MAP3K20: variants seen among roughly 807,000 people sequenced by gnomAD.
MAP3K20 encodes the protein HCCS-4.
A neutral mutation model predicts 85.7 loss-of-function variants in MAP3K20; 40 were observed. That is an observed-to-expected ratio of 0.47 (90% CI 0.36 to 0.61). MAP3K20 has a LOEUF of 0.61. MAP3K20 is among the 20% of genes least tolerant of loss of function. The pLI, the probability that MAP3K20 is intolerant of heterozygous loss-of-function variation, is 0.00. For missense variants in MAP3K20, 817 were observed against 961.7 expected (o/e 0.85, Z 1.99); for synonymous variants, 325 against 327.7 (o/e 0.99, Z 0.09).
At chr2:173,213,474 A>G (rs1390996762) in intron 10 of MAP3K20, among the ~76,000 whole-genome samples, 1 of 152,242 alleles carries the variant, frequency 6.6e-6, no homozygotes, top group East Asian at 1.9e-4. Context: ...GGACTGTAAT[A>G]GTAATTTTAA....
chr2:173,187,678 C>T, intron 5 of MAP3K20, 55 bp downstream of exon 5: 1 of 1,438,154 alleles, frequency 7.0e-7, no homozygotes, highest in Non-Finnish European at 9.6e-7. Flanking sequence ...CATACACTTG[C>T]ATGTAGAAAT....
chr2:173,244,644 A>T (rs1684873223), intron 16 of MAP3K20, among the ~76,000 whole-genome samples: 1 of 152,202 alleles, frequency 6.6e-6, no homozygotes, highest in Non-Finnish European at 1.5e-5. Flanking sequence ...AGCCATCTGT[A>T]AACCTATATA....
chr2:173,206,104 A>T (rs554233915), intron 9 of MAP3K20, among the ~76,000 whole-genome samples: 41 of 152,306 alleles, frequency 2.7e-4, no homozygotes, highest in Non-Finnish European at 5.3e-4. Flanking sequence ...TTTTGCCTGA[A>T]ATTATTTGCA....
chr2:173,162,400 G>A (rs1689685033), intron 2 of MAP3K20, among the ~76,000 whole-genome samples: 1 of 151,734 alleles, frequency 6.6e-6, no homozygotes, highest in Non-Finnish European at 1.5e-5. Flanking sequence ...AATTGTTGAG[G>A]ACCGGCTGGG....
chr2:173,217,365 C>T (rs1440447313), intron 11 of MAP3K20, 115 bp downstream of exon 11: 1 of 1,286,454 alleles, frequency 7.8e-7, no homozygotes, highest in East Asian at 2.8e-5. Flanking sequence ...CATTTCCTGC[C>T]TCGCGCCCGT....
chr2:173,096,060 G>A lies in MAP3K20; in HGVS notation c.159+4870G>A, dbSNP rs1239848806. ...ATTAATATAAATACTTGCGTTATAA[G>A]ATGTGTATGCAGCTATCTACCCTTC... On this transcript the variant is annotated intron_variant, in intron 2 of 19. Transcript: ENST00000375213. 2.0e-5 allele frequency among the ~76,000 whole-genome samples: 3 copies of A among 152,228 alleles called. No homozygotes were observed. In the East Asian group the frequency reaches 5.8e-4, roughly 29 times the overall value.
At chr2:173,076,565 C>T (rs1396375700) in intron 1 of MAP3K20, among the ~76,000 whole-genome samples, 1 of 152,264 alleles carries the variant, frequency 6.6e-6, no homozygotes, top group African/African-American at 2.4e-5. Context: ...CATCCATTTT[C>T]CTTCATTCTG....
At chr2:173,244,066 C>T (rs983509470) in intron 16 of MAP3K20, among the ~76,000 whole-genome samples, 3 of 152,162 alleles carry the variant, frequency 2.0e-5, no homozygotes, top group Non-Finnish European at 4.4e-5. Flanking sequence ...GAGCCTGTGA[C>T]AGTGCCATGG....
At chr2:173,116,413 T>G (rs1688126211) in intron 2 of MAP3K20, among the ~76,000 whole-genome samples, 1 of 152,196 alleles carries the variant, frequency 6.6e-6, no homozygotes, top group Admixed American at 6.5e-5. Flanking sequence ...TTGGCCAGCA[T>G]CTCCCTGCAT....
chr2:173,263,399 G>C (rs1227853559), intron 18 of MAP3K20, among the ~76,000 whole-genome samples: 1 of 152,136 alleles, frequency 6.6e-6, no homozygotes, highest in African/African-American at 2.4e-5. Flanking sequence ...ATTAAACAAA[G>C]AGGTAAGTTG....
intron 16 of MAP3K20, among the ~76,000 whole-genome samples, chr2:173,243,943 C>G (rs184743588): frequency 6.6e-6 from 1 of 152,148 alleles, no homozygotes; most frequent in African/African-American, 2.4e-5. Context: ...ACGTTTTTAA[C>G]AGATCTTTCA....
Position 173,266,790 on chromosome 2 carries a change from A to AAC in MAP3K20, c.*41_*42insCA. The AAC allele has an allele frequency of 1.5e-6, 2 of 1,366,224 alleles. No individual in the cohort carries two copies. The highest frequency in any genetic ancestry group is 1.9e-6 in the Non-Finnish European group (2 of 1,043,266). 84.6% of individuals were successfully genotyped at this position (1,366,224 alleles called of 1,614,324 possible). ...TAGCTTTTCTAAGCAGGTTAAAAAA[A>AAC]AAAAAAAAAAGAAATGTAATGGTTT... On this transcript the variant is annotated 3_prime_UTR_variant, in exon 20 of 20. Coordinates refer to ENST00000375213, the MANE Select transcript of MAP3K20 (RefSeq NM_016653.3).
intron 11 of MAP3K20, chr2:173,223,448 C>T: frequency 1.0e-6 from 1 of 985,198 alleles, no homozygotes; most frequent in East Asian, 1.1e-4. Context: ...ATGTTAGCTA[C>T]TATGAATGGT....
intron 2 of MAP3K20, among the ~76,000 whole-genome samples, chr2:173,094,001 A>T: frequency 1.5e-5 from 1 of 68,274 alleles, no homozygotes; most frequent in Non-Finnish European, 2.7e-5. Flanking sequence ...GGGTGGGGGG[A>T]GGGGGGAGGG....
intron 11 of MAP3K20, among the ~76,000 whole-genome samples, chr2:173,228,735 G>C (rs947898559): frequency 6.6e-6 from 1 of 152,110 alleles, no homozygotes; most frequent in African/African-American, 2.4e-5. Context: ...GAGCATGTGG[G>C]TACAAAATAC....
rs115149874 is a variant in MAP3K20 at position 173,133,629 on chromosome 2, A to G, written c.160-36176A>G. ...TTTCTAATTTTGGCTGTGCTTCAAA[A>G]TGACGTGGTGGGCTTGTTAAAACAC... On this transcript the variant is annotated intron_variant, in intron 2 of 19. Transcript: ENST00000375213. Among the ~76,000 whole-genome samples the G allele has an allele frequency of 2.0e-3, 298 of 152,298 alleles. 3 individuals carry two copies. The highest frequency in any genetic ancestry group is 0.017 in the Middle Eastern group (5 of 294).
chr2:173,142,792 T>C (rs1046129892), intron 2 of MAP3K20, among the ~76,000 whole-genome samples: 33 of 152,128 alleles, frequency 2.2e-4, no homozygotes, highest in African/African-American at 8.0e-4. Flanking sequence ...TTAAGCCCAG[T>C]AATATACATA....
chr2:173,258,908 TC>T (rs1685224028), intron 17 of MAP3K20, 93 bp downstream of exon 17: 1 of 792,608 alleles, frequency 1.3e-6, no homozygotes, highest in Non-Finnish European at 2.1e-6. Flanking sequence ...TTTGTGCTTG[TC>T]CATGCTCACA....
chr2:173,078,206 G>A lies in MAP3K20; in HGVS notation c.-35+2204G>A, dbSNP rs1216213842. ...GTTTTTTTGTTTTTGTTTTGTTTTT[G>A]TTTTTGTTTAAACTGGAAAAAGATG... On this transcript the variant is annotated intron_variant, in intron 1 of 19. Transcript: ENST00000375213. Among the ~76,000 whole-genome samples the A allele has an allele frequency of 2.0e-5, 3 of 152,072 alleles. No homozygotes were observed. The East Asian group carries it at 5.8e-4, about 29-fold the overall frequency.
Sources: allele counts gnomAD v4.1 joint callset (sites outside exome capture counted in the v4.1 genomes callset), GRCh38; gene constraint gnomAD v4.1.1; transcripts MANE v1.5; gene names NCBI Gene and HGNC (gene_info 2026-07-23, HGNC 2026-07-21).